The following CHLSN variants were observed in gnomAD, a reference collection of about 807,000 sequenced individuals.
CHLSN encodes the protein cholesin.
the CHLSN span, chr7:1,021,340 A>G: frequency 1.0e-6 from 1 of 981,732 alleles, no homozygotes; most frequent in African/African-American, 1.7e-5. Context: ...AAGCCTTTTC[A>G]TCGTGGCAGT....
At chr7:993,227 C>T in the CHLSN span, among the ~76,000 whole-genome samples, 20 of 152,270 alleles carry the variant, frequency 1.3e-4, no homozygotes, top group East Asian at 5.8e-4. Flanking sequence ...GCAGCTGGAG[C>T]GCGTGGAGAG....
chr7:986,894 C>G, the CHLSN span: 1 of 1,374,698 alleles, frequency 7.3e-7, no homozygotes, highest in Non-Finnish European at 9.6e-7. Context: ...CGGTCCTGCA[C>G]CAAGCTCCCT....
chr7:1,028,357 G>GC, the CHLSN span: 1 of 1,000,170 alleles, frequency 1.0e-6, no homozygotes, highest in Non-Finnish European at 1.2e-6. Flanking sequence ...CAGCCTCAGC[G>GC]CCTCCACACT....
chr7:984,876 C>A, the CHLSN span: 1 of 1,516,602 alleles, frequency 6.6e-7, no homozygotes. Flanking sequence ...AGCCTGCTCA[C>A]TTCCTGCCCA....
chr7:987,446 AGGTGCAGC>A, the CHLSN span: 1 of 1,584,376 alleles, frequency 6.3e-7, no homozygotes, highest in African/African-American at 1.3e-5. Flanking sequence ...GTGCTCCACG[AGGTGCAGC>A]GGTTCATCAC....
the CHLSN span, among the ~76,000 whole-genome samples, chr7:1,053,722 G>A: frequency 6.6e-6 from 1 of 152,228 alleles, no homozygotes; most frequent in African/African-American, 2.4e-5. Context: ...AGCTATTCGG[G>A]AGGCTGAGGC....
chr7:1,131,587 T>G, the CHLSN span, among the ~76,000 whole-genome samples: 6 of 152,328 alleles, frequency 3.9e-5, no homozygotes, highest in Non-Finnish European at 7.3e-5. Context: ...AGGCTACAGA[T>G]TTCAATTAGC....
At chr7:1,072,931 C>T in the CHLSN span, among the ~76,000 whole-genome samples, 2 of 152,148 alleles carry the variant, frequency 1.3e-5, no homozygotes, top group African/African-American at 2.4e-5. Context: ...TGAGCCACCG[C>T]GCCTGGCCTG....
the CHLSN span, among the ~76,000 whole-genome samples, chr7:1,023,679 CA>C: frequency 9.1e-6 from 1 of 109,894 alleles, no homozygotes; most frequent in Admixed American, 8.7e-5. The surrounding 1 kb of genome is among the most constrained non-coding windows in gnomAD (Gnocchi z 5.0). Context: ...ACACACACAC[CA>C]GCAACGCGCC....
the CHLSN span, among the ~76,000 whole-genome samples, chr7:1,106,810 G>A: frequency 7.9e-5 from 12 of 152,260 alleles, no homozygotes; most frequent in Non-Finnish European, 1.5e-4. Context: ...TGAATCTGCC[G>A]CCCCCTTCCC....
chr7:994,139 T>C, the CHLSN span, among the ~76,000 whole-genome samples: 1 of 152,342 alleles, frequency 6.6e-6, no homozygotes, highest in East Asian at 1.9e-4. Context: ...TTTGATTATT[T>C]AAAAACATTA....
chr7:1,061,931 C>T, the CHLSN span, among the ~76,000 whole-genome samples: 3 of 151,912 alleles, frequency 2.0e-5, no homozygotes, highest in Non-Finnish European at 4.4e-5. Context: ...TCCAAGCAGC[C>T]GTCTCCCCGA....
the CHLSN span, chr7:1,093,001 G>C: frequency 6.4e-6 from 5 of 785,326 alleles, no homozygotes; most frequent in African/African-American, 8.5e-5. Flanking sequence ...GGTCACGCTT[G>C]CCTGGTCACC....
At chr7:1,135,772 A>AATATATATATATAT in the CHLSN span, among the ~76,000 whole-genome samples, 4 of 97,374 alleles carry the variant, frequency 4.1e-5, no homozygotes, top group African/African-American at 2.0e-4. Flanking sequence ...CTCAAAAAGA[A>AATATATATATATAT]ATATATATAT....
chr7:1,009,487 C>T, the CHLSN span, among the ~76,000 whole-genome samples: 508 of 152,260 alleles, frequency 3.3e-3, 2 homozygotes, highest in African/African-American at 0.011. Flanking sequence ...CCAGCCACGC[C>T]GCAGGCAGCC....
chr7:1,078,674 C>A, the CHLSN span, among the ~76,000 whole-genome samples: 826 of 152,362 alleles, frequency 5.4e-3, 9 homozygotes, highest in African/African-American at 0.019. Flanking sequence ...TGCAGGATCA[C>A]AGGCTGGCCC....
the CHLSN span, among the ~76,000 whole-genome samples, chr7:1,006,878 C>A: frequency 6.6e-6 from 1 of 152,220 alleles, no homozygotes; most frequent in African/African-American, 2.4e-5. Context: ...CCAGCCCCAG[C>A]TTCACACAAA....
the CHLSN span, among the ~76,000 whole-genome samples, chr7:982,223 C>T: frequency 6.6e-6 from 1 of 152,280 alleles, no homozygotes; most frequent in African/African-American, 2.4e-5. Flanking sequence ...CCACAGGAGG[C>T]GTGCAACTGT....
the CHLSN span, among the ~76,000 whole-genome samples, chr7:982,734 G>A: frequency 1.3e-5 from 2 of 152,256 alleles, no homozygotes; most frequent in Admixed American, 6.5e-5. Context: ...AGAGCTGGGT[G>A]CACACGGATG....
Sources: gnomAD v4.1 joint callset for allele counts (sites outside exome capture counted in the v4.1 genomes callset) on GRCh38, gnomAD v4.1.1 for gene constraint, Gnocchi (gnomAD v3.1) non-coding constraint, MANE v1.5 for transcripts, NCBI Gene and HGNC (gene_info 2026-07-23, HGNC 2026-07-21) for gene names.